The following TULP4 variants were observed in gnomAD, a reference collection of about 807,000 sequenced individuals.
The protein encoded by TULP4 is tubby-related protein 4.
Under a neutral mutation model 129.0 loss-of-function variants are expected in TULP4, and 16 were observed. That is an observed-to-expected ratio of 0.12 (90% CI 0.08 to 0.19). TULP4 has a LOEUF of 0.19. TULP4 is among the 10% of genes least tolerant of loss of function. TULP4 has a pLI of 1.00. For synonymous variants in TULP4, 998 were observed against 854.0 expected (o/e 1.17, Z -2.94); for missense variants, 1,842 against 2,059.1 (o/e 0.89, Z 2.04).
upstream of TULP4, among the ~76,000 whole-genome samples, chr6:158,310,780 G>A (rs1042646648): frequency 1.3e-5 from 2 of 152,178 alleles, no homozygotes; most frequent in African/African-American, 4.8e-5. Flanking sequence ...AACTTAAACT[G>A]TATAATACAT....
intron 11 of TULP4, 116 bp from the exon 12 acceptor site, chr6:158,498,553 A>G: frequency 2.3e-6 from 3 of 1,316,874 alleles, no homozygotes; most frequent in Non-Finnish European, 3.2e-6. Context: ...GCCTACACAG[A>G]TCTGTCTTCT....
At chr6:158,265,114 C>T (rs1007807478) in intron 1 of TULP4, among the ~76,000 whole-genome samples, 1 of 152,096 alleles carries the variant, frequency 6.6e-6, no homozygotes, top group African/African-American at 2.4e-5. Context: ...GTCTTTACAG[C>T]GTTCTTAAGA....
At chr6:158,326,293 A>G (rs1308967142) in intron 1 of TULP4, among the ~76,000 whole-genome samples, 3 of 152,176 alleles carry the variant, frequency 2.0e-5, no homozygotes, top group Non-Finnish European at 4.4e-5. Context: ...ATTCAAACCA[A>G]TTAGATGGTT....
chr6:158,347,093 T>G (rs1288575811), intron 1 of TULP4, among the ~76,000 whole-genome samples: 1 of 152,230 alleles, frequency 6.6e-6, no homozygotes, highest in Non-Finnish European at 1.5e-5. Flanking sequence ...AATCCGTACT[T>G]GCCTGCACTT....
intron 1 of TULP4, among the ~76,000 whole-genome samples, chr6:158,351,566 G>T (rs1780521001): frequency 6.6e-6 from 1 of 152,166 alleles, no homozygotes; most frequent in Non-Finnish European, 1.5e-5. Flanking sequence ...GAAAAACGTA[G>T]TGGATTTGCT....
Position 158,506,903 on chromosome 6 carries a change from TTTC to T in TULP4, c.*215_*217del, listed in dbSNP as rs1459500653. On this transcript the variant is annotated 3_prime_UTR_variant, in exon 14 of 14. Coordinates refer to ENST00000367097, the MANE Select transcript of TULP4 (RefSeq NM_020245.5). Reference sequence around the variant, plus strand: ...ATTACCTTTTATTGTCTGTTCTTCTTTTCTTCTTTCATTTCAGTGGCATTTGGA... The same window carrying T: ...ATTACCTTTTATTGTCTGTTCTTCTTTTCTTTCATTTCAGTGGCATTTGGA... The T allele has an allele frequency of 6.8e-5, 38 of 557,410 alleles. No individual in the cohort carries two copies. The highest frequency in any genetic ancestry group is 6.1e-4 in the African/African-American group (32 of 52,892). 34.5% of individuals were successfully genotyped at this position (557,410 alleles called of 1,614,324 possible).
At chr6:158,258,855 A>G (rs1486116033) in intron 1 of TULP4, among the ~76,000 whole-genome samples, 1 of 152,220 alleles carries the variant, frequency 6.6e-6, no homozygotes, top group East Asian at 1.9e-4. Flanking sequence ...ATTTGAGCTT[A>G]GAGAAATTGT....
chr6:158,234,972 G>A lies in TULP4; in HGVS notation n.68+2669G>A, dbSNP rs181670835. Among the ~76,000 whole-genome samples, 26 of 152,224 alleles carry A rather than the reference G, an allele frequency of 1.7e-4. No homozygotes were observed. The East Asian group carries it at 5.0e-3, about 29-fold the overall frequency. ...CCTTTAGGCCAGGAGTTCGAGACCA[G>A]CCTGGCCAACATGGTGAAACCCTGT... On this transcript the variant is annotated intron_variant and non_coding_transcript_variant, in intron 1 of 1. Coordinates refer to the TULP4 transcript ENST00000620026.
At chr6:158,483,593 A>G (rs530733773) in intron 8 of TULP4, among the ~76,000 whole-genome samples, 16 of 152,268 alleles carry the variant, frequency 1.1e-4, no homozygotes, top group African/African-American at 2.6e-4. Flanking sequence ...CCAAAGTGCT[A>G]GGAACCACCA....
intron 1 of TULP4, among the ~76,000 whole-genome samples, chr6:158,339,322 A>G (rs1388076643): frequency 6.6e-6 from 1 of 151,576 alleles, no homozygotes. Context: ...ACAAAAGATC[A>G]CAAGGCAGAA....
chr6:158,449,635 A>G (rs1779125021), intron 4 of TULP4, among the ~76,000 whole-genome samples: 1 of 152,234 alleles, frequency 6.6e-6, no homozygotes, highest in Middle Eastern at 3.2e-3. Context: ...AATGAAGGCC[A>G]GCACCTTGGG....
intron 1 of TULP4, among the ~76,000 whole-genome samples, chr6:158,328,645 A>T (rs1779803216): frequency 6.6e-6 from 1 of 152,018 alleles, no homozygotes; most frequent in Admixed American, 6.5e-5. Context: ...GGCAGGTGAG[A>T]GGTTAGTACA....
At chr6:158,358,298 TTC>T (rs1348538214) in intron 1 of TULP4, among the ~76,000 whole-genome samples, 3 of 152,216 alleles carry the variant, frequency 2.0e-5, no homozygotes, top group Non-Finnish European at 4.4e-5. Context: ...AGAAAAGTGA[TTC>T]TGTGTGTAAA....
rs79353696 is a variant in TULP4 at position 158,332,704 on chromosome 6, T to C, written c.252+18436T>C. 2.0e-5 allele frequency among the ~76,000 whole-genome samples: 3 copies of C among 152,278 alleles called. No individual in the cohort carries two copies. In the East Asian group the frequency reaches 5.8e-4, roughly 29 times the overall value. ...TAGGACTGTGTGCTGGGCTATTGGA[T>C]AGGCGGACTTTCCTGGATTTTCTCA... On this transcript the variant is annotated intron_variant, in intron 1 of 13. Coordinates refer to ENST00000367097, the MANE Select transcript of TULP4 (RefSeq NM_020245.5).
intron 1 of TULP4, among the ~76,000 whole-genome samples, chr6:158,302,588 C>G (rs753773074): frequency 1.3e-5 from 2 of 152,108 alleles, no homozygotes; most frequent in Non-Finnish European, 2.9e-5. Flanking sequence ...CTTGAGAGAG[C>G]GGCCGCTGCT....
At chr6:158,386,069 T>A (rs1387100653) in intron 1 of TULP4, among the ~76,000 whole-genome samples, 1 of 151,996 alleles carries the variant, frequency 6.6e-6, no homozygotes, top group Non-Finnish European at 1.5e-5. Context: ...GATCTTGAAC[T>A]CTTGGACTCA....
chr6:158,489,450 GCTT>G, intron 8 of TULP4, 135 bp from the exon 9 acceptor site: 1 of 1,011,202 alleles, frequency 9.9e-7, no homozygotes, highest in Non-Finnish European at 1.4e-6. Flanking sequence ...ACAATGCCAA[GCTT>G]CTTTTTGGTT....
rs1177772329 is a variant in TULP4, at chr6:158,511,756, A to AT, written c.*5069dup. The AT allele has an allele frequency of 6.6e-6, 1 of 152,094 alleles. No individual in the cohort carries two copies. The highest frequency in any genetic ancestry group is 6.6e-5 in the Admixed American group (1 of 15,262). 9.4% of individuals were successfully genotyped at this position (152,094 alleles called of 1,614,324 possible). A position where few individuals can be genotyped will look rare whatever the true frequency, so the allele number is the denominator to read the frequency against. On this transcript the variant is annotated 3_prime_UTR_variant, in exon 14 of 14. Coordinates refer to ENST00000367097, the MANE Select transcript of TULP4 (RefSeq NM_020245.5). The stretch of plus-strand genomic sequence containing the variant: ...ATTACTGAGACGGATTAATCTCCTT[A>AT]TTTTTTTCTTGATGATTTGAAGTTG...
At chr6:158,239,003 G>A (rs1777786507) in intron 1 of TULP4, among the ~76,000 whole-genome samples, 1 of 143,172 alleles carries the variant, frequency 7.0e-6, no homozygotes, top group Admixed American at 6.9e-5. Flanking sequence ...AGTAGGGGTG[G>A]CCGGGCAGAG....
Sources: gnomAD v4.1 joint callset for allele counts (sites outside exome capture counted in the v4.1 genomes callset) on GRCh38, gnomAD v4.1.1 for gene constraint, MANE v1.5 for transcripts, NCBI Gene and HGNC (gene_info 2026-07-23, HGNC 2026-07-21) for gene names.